Variants in RASA2 observed in about 807,000 individuals in gnomAD.
RASA2 encodes ras GTPase-activating protein 2.
Under a neutral mutation model 118.2 loss-of-function variants are expected in RASA2, and 155 were observed. The ratio of observed to expected loss-of-function variants is 1.31; its 90% CI spans 1.15 to 1.50. The LOEUF is 1.50. RASA2 is among the 40% of genes most tolerant of loss of function. The pLI, the probability that RASA2 is intolerant of heterozygous loss-of-function variation, is 0.00. For missense variants in RASA2, 1,016 were observed against 1,009.6 expected, an observed-to-expected ratio of 1.01 and a Z score of -0.09; for synonymous variants, 353 against 349.1, an observed-to-expected ratio of 1.01 and a Z score of -0.12.
At chr3:141,493,350 T>G (rs1302779248) in intron 1 of RASA2, among the ~76,000 whole-genome samples, 1 of 152,216 alleles carries the variant, frequency 6.6e-6, no homozygotes, top group Non-Finnish European at 1.5e-5. Flanking sequence ...AGGTGGAGAT[T>G]GAACCTGGAT....
chr3:141,553,427 A>AT (rs35938493), intron 5 of RASA2, among the ~76,000 whole-genome samples: 37,624 of 149,886 alleles, frequency 0.25, 5,298 homozygotes, highest in Non-Finnish European at 0.33. Flanking sequence ...TCTTATTCTT[A>AT]TTTTTTTTTT....
rs2083668621 is a variant in RASA2 at position 141,612,548 on chromosome 3, A to G, written c.*235A>G. 1 of 383,074 alleles carries G rather than the reference A, an allele frequency of 2.6e-6. No individual in the cohort carries two copies. Among genetic ancestry groups the G allele is most frequent in the Non-Finnish European group, 4.8e-6 (1 of 209,286 alleles). 23.7% of individuals were successfully genotyped at this position (383,074 alleles called of 1,614,324 possible). A position where few individuals can be genotyped will look rare whatever the true frequency, so the allele number is the denominator to read the frequency against. On this transcript the variant is annotated 3_prime_UTR_variant, in exon 24 of 24. Coordinates refer to ENST00000286364, the MANE Select transcript of RASA2 (RefSeq NM_006506.5). ...CCTTCATACCTGTGTGACCAAATCC[A>G]TGTTTCTGCAACTTCTTTTTAATCG...
chr3:141,599,759 G>A (rs1577816521), intron 19 of RASA2, among the ~76,000 whole-genome samples: 2 of 152,082 alleles, frequency 1.3e-5, no homozygotes, highest in South Asian at 4.1e-4. Context: ...GATGGCAAGT[G>A]CGTTTTCATT....
At chr3:141,593,429 A>G (rs1178657737) in intron 19 of RASA2, among the ~76,000 whole-genome samples, 1 of 152,106 alleles carries the variant, frequency 6.6e-6, no homozygotes, top group Non-Finnish European at 1.5e-5. Context: ...TGCAAGCAGA[A>G]AACTAAGCTT....
At position 141,613,529 on chromosome 3, in the gene RASA2, C is replaced by T. The variant is rs2083683754; in HGVS notation, c.*1216C>T. On this transcript the variant is annotated 3_prime_UTR_variant, in exon 24 of 24. Transcript: ENST00000286364. The stretch of plus-strand genomic sequence containing the variant: ...AGTTGAGGGATACACTTTGCTTCAT[C>T]AGTATTAAAAACCATGGTACTCTTA... 1 of 152,258 alleles carries T rather than the reference C, an allele frequency of 6.6e-6. No individual in the cohort carries two copies. The highest frequency in any genetic ancestry group is 2.4e-5 in the African/African-American group (1 of 41,558). 9.4% of individuals were successfully genotyped at this position (152,258 alleles called of 1,614,324 possible). A position where few individuals can be genotyped will look rare whatever the true frequency, so the allele number is the denominator to read the frequency against.
At chr3:141,572,330 G>A (rs562971042) in intron 11 of RASA2, among the ~76,000 whole-genome samples, 136 of 151,920 alleles carry the variant, frequency 9.0e-4, no homozygotes, top group Admixed American at 2.9e-3. Flanking sequence ...GACTTCAAGC[G>A]ATCCACCTGC....
In RASA2 at chr3:141,578,574, G is replaced by T. The variant is rs141045254; in HGVS notation, c.1590+1468G>T. On this transcript the variant is annotated intron_variant, in intron 15 of 23. Transcript: ENST00000286364. Reference sequence around the variant, plus strand: ...AACCATGTTGCAGTGGCAGCACCACGCCCTTTCTTGCCAAAGGATAAATGG... The same window carrying T: ...AACCATGTTGCAGTGGCAGCACCACTCCCTTTCTTGCCAAAGGATAAATGG... 2.0e-5 allele frequency: 3 copies of T among 152,308 alleles called. No homozygotes were observed. In the East Asian group the frequency reaches 5.8e-4, roughly 29 times the overall value. The allele number at this position is 152,308 out of a possible 1,614,324, so 9.4% of individuals were successfully genotyped here. A position where few individuals can be genotyped will look rare whatever the true frequency, so the allele number is the denominator to read the frequency against.
intron 19 of RASA2, among the ~76,000 whole-genome samples, chr3:141,593,737 G>A (rs2083320656): frequency 6.6e-6 from 1 of 152,138 alleles, no homozygotes; most frequent in African/African-American, 2.4e-5. Context: ...AAAGAGTGGT[G>A]GCGCAGTAGT....
At position 141,562,918 on chromosome 3, in the gene RASA2, G is replaced by A. The variant is rs544733016; in HGVS notation, c.863+2923G>A. 4.6e-5 allele frequency among the ~76,000 whole-genome samples: 7 copies of A among 152,074 alleles called. No homozygotes were observed. The South Asian group carries it at 8.3e-4, about 18-fold the overall frequency. On this transcript the variant is annotated intron_variant, in intron 9 of 23. Transcript: ENST00000286364. ...GATCTCCTGACCTCTTGATCCCCCC[G>A]CCTCGGCCTCCCAAAGTGCTGGGAT... is the stretch of plus-strand genomic sequence containing the variant.
chr3:141,537,254 C>G (rs2082341175), intron 4 of RASA2, among the ~76,000 whole-genome samples: 1 of 151,984 alleles, frequency 6.6e-6, no homozygotes, highest in Admixed American at 6.6e-5. Flanking sequence ...TTCACCATGT[C>G]TCATATGTCT....
At chr3:141,549,762 G>A (rs2082545238) in intron 5 of RASA2, among the ~76,000 whole-genome samples, 1 of 152,126 alleles carries the variant, frequency 6.6e-6, no homozygotes, top group African/African-American at 2.4e-5. Flanking sequence ...CTTTTTAGCA[G>A]TAGCTTATTT....
At position 141,560,046 on chromosome 3, in the gene RASA2, A is replaced by C. The variant is rs748517472; in HGVS notation, c.863+51A>C. On this transcript the variant is annotated intron_variant, in intron 9 of 23. Coordinates refer to ENST00000286364, the MANE Select transcript of RASA2 (RefSeq NM_006506.5). ...TCCATAGTTTAATTCTCTTTAGTAC[A>C]GTATATATATGCAAATAAATGCTTA... 2.9e-6 allele frequency: 4 copies of C among 1,395,166 alleles called. No homozygotes were observed. The South Asian group carries it at 5.0e-5, about 17-fold the overall frequency. 86.4% of individuals were successfully genotyped at this position (1,395,166 alleles called of 1,614,324 possible).
At chr3:141,608,459 A>G in intron 20 of RASA2, 30 bp from the exon 21 acceptor site, 1 of 1,603,624 alleles carries the variant, frequency 6.2e-7, no homozygotes, top group Non-Finnish European at 8.5e-7. Context: ...GACTCTTGTC[A>G]CTAACTTTTT....
rs866394948 is a variant in RASA2, at chr3:141,607,579, C to A, written c.1934-99C>A. ...TTCTGTAGGTTATTTACACTCCTACCATCAAGAGGATGAGCTTAAACCCTA... is the reference window on the plus strand; with the variant it reads ...TTCTGTAGGTTATTTACACTCCTACAATCAAGAGGATGAGCTTAAACCCTA... On this transcript the variant is annotated intron_variant, in intron 19 of 23. Coordinates refer to ENST00000286364, the MANE Select transcript of RASA2 (RefSeq NM_006506.5). 7.4e-6 allele frequency: 9 copies of A among 1,213,632 alleles called. No individual in the cohort carries two copies. The South Asian group carries it at 1.5e-4, about 20-fold the overall frequency. 75.2% of individuals were successfully genotyped at this position (1,213,632 alleles called of 1,614,324 possible).
chr3:141,566,825 G>A (rs1221811637), intron 9 of RASA2, among the ~76,000 whole-genome samples: 1 of 152,010 alleles, frequency 6.6e-6, no homozygotes, highest in African/African-American at 2.4e-5. Flanking sequence ...ACTTCTAATT[G>A]CTTTCAAAAA....
At chr3:141,494,281 A>C (rs559054263) in intron 1 of RASA2, among the ~76,000 whole-genome samples, 1 of 152,384 alleles carries the variant, frequency 6.6e-6, no homozygotes, top group African/African-American at 2.4e-5. Context: ...CTCACCAGCA[A>C]TGTATGACTG....
chr3:141,604,335 C>G (rs1577827018), intron 19 of RASA2, among the ~76,000 whole-genome samples: 1 of 152,074 alleles, frequency 6.6e-6, no homozygotes, highest in South Asian at 2.1e-4. Context: ...TGCACTCTAT[C>G]TTTCTGTCTC....
At chr3:141,600,458 G>A (rs766146927) in intron 19 of RASA2, 3 of 394,988 alleles carry the variant, frequency 7.6e-6, no homozygotes, top group Non-Finnish European at 1.5e-5. Flanking sequence ...AGCAGGTTGC[G>A]CTCCTTATTA....
intron 2 of RASA2, among the ~76,000 whole-genome samples, chr3:141,513,261 A>T (rs1171522328): frequency 3.3e-5 from 5 of 149,888 alleles, no homozygotes; most frequent in Non-Finnish European, 5.9e-5. Flanking sequence ...GTTTCCCTTT[A>T]TGTCTTTATT....
Sources: allele counts gnomAD v4.1 joint callset (sites outside exome capture counted in the v4.1 genomes callset), GRCh38; gene constraint gnomAD v4.1.1; transcripts MANE v1.5; gene names NCBI Gene and HGNC (gene_info 2026-07-23, HGNC 2026-07-21).